OLFM1: variants seen among roughly 807,000 people sequenced by gnomAD.
OLFM1 encodes the protein olfactomedin 1, also known as noelin.
In OLFM1, 9 loss-of-function variants were observed where a neutral mutation model predicts 49.7. The observed-to-expected ratio is 0.18, with a 90% CI of 0.11 to 0.32. The LOEUF is 0.32. OLFM1 is among the 10% of genes least tolerant of loss of function. OLFM1 has a pLI of 1.00. For synonymous variants in OLFM1, 240 were observed against 271.8 expected, an observed-to-expected ratio of 0.88 and a Z score of 1.15; for missense variants, 369 against 661.8, an observed-to-expected ratio of 0.56 and a Z score of 4.85.
chr9:135,098,558 C>A lies in OLFM1; in HGVS notation c.676+53C>A. On this transcript the variant is annotated intron_variant, in intron 4 of 5. Coordinates refer to ENST00000371793, the MANE Select transcript of OLFM1 (RefSeq NM_001282611.2). The surrounding 1 kb of genome is among the most constrained non-coding windows in gnomAD (Gnocchi z 5.6). The stretch of plus-strand genomic sequence containing the variant: ...CGCTGCACTGCCCACCTCCGGCACA[C>A]GCACAGGCTTAGGGAGTGGTGCTGA... The A allele has an allele frequency of 6.6e-7, 1 of 1,509,944 alleles. No homozygotes were observed. Among genetic ancestry groups the A allele is most frequent in the Middle Eastern group, 2.0e-4 (1 of 5,090 alleles). The allele number at this position is 1,509,944 out of a possible 1,614,324, so 93.5% of individuals were successfully genotyped here.
At chr9:135,076,111 T>C in intron 1 of OLFM1, 2 of 1,538,972 alleles carry the variant, frequency 1.3e-6, no homozygotes, top group Non-Finnish European at 1.8e-6. Flanking sequence ...CACGAGGGGG[T>C]CTTTGGCTGC....
chr9:135,116,805 A>G (rs1831102271), intron 5 of OLFM1, among the ~76,000 whole-genome samples: 1 of 151,824 alleles, frequency 6.6e-6, no homozygotes, highest in Non-Finnish European at 1.5e-5. Flanking sequence ...TCCCGGTTCT[A>G]ATCTGTGACC....
At chr9:135,099,663 A>G (rs1830844816) in intron 4 of OLFM1, among the ~76,000 whole-genome samples, 1 of 152,218 alleles carries the variant, frequency 6.6e-6, no homozygotes, top group Non-Finnish European at 1.5e-5. Flanking sequence ...AGACAATAAG[A>G]AATGCTTGGA....
At chr9:135,090,144 T>A (rs1437371197) in intron 1 of OLFM1, 51 bp from the exon 2 acceptor site, 2 of 1,531,766 alleles carry the variant, frequency 1.3e-6, no homozygotes, top group Non-Finnish European at 1.8e-6. Context: ...CACAACCTCA[T>A]GGTCTCCCTT....
intron 5 of OLFM1, among the ~76,000 whole-genome samples, chr9:135,112,825 G>A (rs1258276710): frequency 6.6e-6 from 1 of 152,192 alleles, no homozygotes; most frequent in Non-Finnish European, 1.5e-5. Context: ...AAGTGAGATT[G>A]GGACAAGGTC....
chr9:135,091,544 T>C lies in OLFM1; in HGVS notation c.300+1200T>C, dbSNP rs1238048620. On this transcript the variant is annotated intron_variant, in intron 2 of 5. Transcript: ENST00000371793. ...ACATAGTCACACAGTCACACTCACATAGTCACACACTCATAGTCACACACA... is the reference window on the plus strand; with the variant it reads ...ACATAGTCACACAGTCACACTCACACAGTCACACACTCATAGTCACACACA... 9.8e-5 allele frequency among the ~76,000 whole-genome samples: 10 copies of C among 102,154 alleles called. No homozygotes were observed. The South Asian group carries it at 1.4e-3, about 15-fold the overall frequency. 67.0% of individuals were successfully genotyped at this position (102,154 alleles called of 152,430 possible).
chr9:135,086,900 A>C (rs1056102878), upstream of OLFM1, among the ~76,000 whole-genome samples: 1 of 144,712 alleles, frequency 6.9e-6, no homozygotes, highest in South Asian at 2.3e-4. Context: ...CCACCTCCCC[A>C]ACACCAGGTT....
At chr9:135,083,362 G>A (rs1830556202), upstream of OLFM1, among the ~76,000 whole-genome samples, 1 of 152,188 alleles carries the variant, frequency 6.6e-6, no homozygotes, top group South Asian at 2.1e-4. Flanking sequence ...CGTGGAACCT[G>A]CCAGGGAGAG....
At chr9:135,077,083 G>A (rs1830477374) in intron 1 of OLFM1, 2 of 1,550,250 alleles carry the variant, frequency 1.3e-6, no homozygotes, top group African/African-American at 1.4e-5. Context: ...GGTTTTCTTG[G>A]CCCCAGGAAG....
chr9:135,104,716 C>T (rs1449270964), intron 4 of OLFM1, among the ~76,000 whole-genome samples: 7 of 152,164 alleles, frequency 4.6e-5, no homozygotes, highest in South Asian at 2.1e-4. Context: ...TCTCCCAGCG[C>T]CCACCCAGTG....
rs138372395 is a variant in OLFM1, at chr9:135,114,123, C to CTTTTTTTTT, written c.784-5362_784-5354dup. On this transcript the variant is annotated intron_variant, in intron 5 of 5. Coordinates refer to ENST00000371793, the MANE Select transcript of OLFM1 (RefSeq NM_001282611.2). ...TCCAGGACCAGCTCATCTTGAGATT[C>CTTTTTTTTT]TTTTTTTTTTTTTTTTTTTTTTTTT... Among the ~76,000 whole-genome samples the CTTTTTTTTT allele has an allele frequency of 1.6e-4, 12 of 75,850 alleles. 2 individuals are homozygous for CTTTTTTTTT. Among genetic ancestry groups the CTTTTTTTTT allele is most frequent in the Non-Finnish European group, 2.5e-4 (10 of 39,996 alleles). The allele number at this position is 75,850 out of a possible 152,430, so 49.8% of individuals were successfully genotyped here.
chr9:135,087,566 G>C, upstream of OLFM1: 8 of 1,119,862 alleles, frequency 7.1e-6, no homozygotes, highest in Non-Finnish European at 8.3e-6. Flanking sequence ...GGAGCCGAGC[G>C]AGAGGAAAAA....
chr9:135,102,822 C>T (rs967718984), intron 4 of OLFM1, among the ~76,000 whole-genome samples: 1 of 152,210 alleles, frequency 6.6e-6, no homozygotes, highest in African/African-American at 2.4e-5. Flanking sequence ...CATCTGCCTG[C>T]TTCAGGGCAC....
intron 1 of OLFM1, chr9:135,076,476 T>C (rs1830467818): frequency 2.2e-6 from 3 of 1,382,716 alleles, no homozygotes; most frequent in Non-Finnish European, 2.8e-6. Flanking sequence ...AATGTATCAA[T>C]AGAGAAAGGT....
chr9:135,075,877 G>A (rs1373194987), intron 1 of OLFM1: 45 of 1,478,542 alleles, frequency 3.0e-5, no homozygotes, highest in Non-Finnish European at 3.9e-5. Flanking sequence ...CAAAGTCCGG[G>A]AACGGCTCTG....
Position 135,098,183 on chromosome 9 carries a change from G to A in OLFM1, c.457-103G>A, listed in dbSNP as rs544056880. 2.3e-5 allele frequency: 34 copies of A among 1,482,326 alleles called. 1 individual carries two copies. The highest frequency in any genetic ancestry group is 3.0e-5 in the Non-Finnish European group (33 of 1,111,036). 91.8% of individuals were successfully genotyped at this position (1,482,326 alleles called of 1,614,324 possible). A position where few individuals can be genotyped will look rare whatever the true frequency, so the allele number is the denominator to read the frequency against. ...GAACAAATAAGCCTGTAAATAAAGC[G>A]GGAATATACACACTTTCCCTCACCT... On this transcript the variant is annotated intron_variant, in intron 3 of 5. Coordinates refer to ENST00000371793, the MANE Select transcript of OLFM1 (RefSeq NM_001282611.2). This position sits in a 1 kb window ranked among gnomAD's most constrained non-coding sequence, Gnocchi z 5.6.
chr9:135,119,662 G>A lies in OLFM1; in HGVS notation c.942G>A (p.Lys314=), dbSNP rs115071335. The change falls in exon 6 of 6, where the codon AAG becomes AAA. Residue 314 remains lysine (K), a synonymous_variant. Transcript: ENST00000371793. The part of the protein sequence containing the change: ...VVYNGSIYFN[K]FQSHIIIRFD... ...ACAACGGTTCTATCTACTTCAACAA[G>A]TTCCAGAGCCACATCATCATCAGGT... 1,634 of 1,614,164 alleles carry A rather than the reference G, an allele frequency of 1.0e-3. 12 individuals are homozygous for A. The African/African-American group carries it at 0.019, about 19-fold the overall frequency.
rs1397207918 is a variant in OLFM1, at chr9:135,088,151, C to A, written c.150+12C>A. ...ACCGCAGCACCGGCGTAAGTGCGCC[C>A]GCCGGCCGCCTTGGCGCGGCTCCTC... On this transcript the variant is annotated intron_variant, in intron 1 of 5. Coordinates refer to ENST00000371793, the MANE Select transcript of OLFM1 (RefSeq NM_001282611.2). The surrounding 1 kb of genome is among the most constrained non-coding windows in gnomAD (Gnocchi z 4.8). 7.6e-7 allele frequency: 1 copy of A among 1,324,202 alleles called. No homozygotes were observed. Among genetic ancestry groups the A allele is most frequent in the Admixed American group, 3.5e-5 (1 of 28,618 alleles). 82.0% of individuals were successfully genotyped at this position (1,324,202 alleles called of 1,614,324 possible). A position where few individuals can be genotyped will look rare whatever the true frequency, so the allele number is the denominator to read the frequency against.
rs1831171653 is a variant in OLFM1, at chr9:135,120,440, C to G, written c.*262C>G. ...CGGTTTTCCTCCCCGCCCTGTCCCT[C>G]TCTGGTCAAACAACATACTAAAGAG... On this transcript the variant is annotated 3_prime_UTR_variant, in exon 6 of 6. Transcript: ENST00000371793. 1 of 521,632 alleles carries G rather than the reference C, an allele frequency of 1.9e-6. No individual in the cohort carries two copies. The highest frequency in any genetic ancestry group is 2.4e-5 in the South Asian group (1 of 42,412). 32.3% of individuals were successfully genotyped at this position (521,632 alleles called of 1,614,324 possible).
Sources: gnomAD v4.1 joint callset for allele counts (sites outside exome capture counted in the v4.1 genomes callset) on GRCh38, gnomAD v4.1.1 for gene constraint, Gnocchi (gnomAD v3.1) non-coding constraint, MANE v1.5 for transcripts, NCBI Gene and HGNC (gene_info 2026-07-23, HGNC 2026-07-21) for gene names.